Variants in DST observed in about 807,000 individuals in gnomAD.
DST encodes bullous pemphigoid antigen.
In DST, 253 loss-of-function variants were observed where a neutral mutation model predicts 875.2. The observed-to-expected ratio is 0.29, with a 90% CI of 0.26 to 0.32. DST has a LOEUF of 0.32. Ranked by LOEUF, DST falls within the 10% of genes least tolerant of loss-of-function variation. DST has a pLI of 1.00. For missense variants in DST, 8,287 were observed against 9,111.6 expected, an observed-to-expected ratio of 0.91 and a Z score of 3.68; for synonymous variants, 3,124 against 3,197.1, an observed-to-expected ratio of 0.98 and a Z score of 0.77.
At chr6:56,824,181 G>A (rs1050480764) in intron 4 of DST, among the ~76,000 whole-genome samples, 7 of 152,146 alleles carry the variant, frequency 4.6e-5, no homozygotes, top group African/African-American at 7.2e-5. Flanking sequence ...ACTGGTTTTC[G>A]TATTTTTTTG....
chr6:56,803,091 C>T (rs1034973695), intron 4 of DST, among the ~76,000 whole-genome samples: 1 of 152,152 alleles, frequency 6.6e-6, no homozygotes, highest in African/African-American at 2.4e-5. Context: ...CATAAATCAT[C>T]CCATTTGATT....
chr6:56,463,676 G>A lies in DST; in HGVS notation c.22848C>T (p.Gly7616=). ...SQGMAAFRPR[G]RRSRPSSRGA... Reference sequence around the variant, plus strand: ...CTCGTGATGATGGCCGGGATCTTCGGCCTCGGGGTCGGAAAGCAGCCATAC... The same window carrying A: ...CTCGTGATGATGGCCGGGATCTTCGACCTCGGGGTCGGAAAGCAGCCATAC... The change falls in exon 101 of 104, where the codon GGC becomes GGT. Residue 7616 remains glycine (G), a synonymous_variant. Transcript: ENST00000680361. The A allele has an allele frequency of 6.2e-7, 1 of 1,614,024 alleles. No homozygotes were observed. The highest frequency in any genetic ancestry group is 8.5e-7 in the Non-Finnish European group (1 of 1,179,904).
At chr6:56,569,373 T>TG (rs113935192) in intron 54 of DST, among the ~76,000 whole-genome samples, 9,555 of 139,252 alleles carry the variant, frequency 0.069, 1,082 homozygotes, top group African/African-American at 0.24. Flanking sequence ...AAATTTGGAA[T>TG]GGGGGAAAAA....
At chr6:56,936,318 G>A (rs1471202409) in intron 2 of DST, among the ~76,000 whole-genome samples, 1 of 152,182 alleles carries the variant, frequency 6.6e-6, no homozygotes, top group Non-Finnish European at 1.5e-5. Context: ...ATTCTGAAAC[G>A]TAAACAGCAG....
chr6:56,737,989 T>C (rs1487829012), intron 4 of DST, among the ~76,000 whole-genome samples: 1 of 152,228 alleles, frequency 6.6e-6, no homozygotes, highest in Non-Finnish European at 1.5e-5. Flanking sequence ...ATTCAACTTG[T>C]TGTAAGACTA....
intron 90 of DST, among the ~76,000 whole-genome samples, chr6:56,481,570 G>A (rs1001539551): frequency 1.3e-5 from 2 of 152,216 alleles, no homozygotes; most frequent in African/African-American, 4.8e-5. Context: ...ATTAAAAACA[G>A]AAGCAGCAGA....
chr6:56,690,477 G>A (rs1372396311), intron 9 of DST, among the ~76,000 whole-genome samples: 3 of 152,114 alleles, frequency 2.0e-5, no homozygotes, highest in Admixed American at 1.3e-4. Context: ...TCATTGCAAC[G>A]ACTCAAAAGG....
chr6:56,639,152 A>G, intron 22 of DST, 107 bp downstream of exon 22: 1 of 993,816 alleles, frequency 1.0e-6, no homozygotes, highest in South Asian at 1.4e-5. Context: ...CCAGGTTTTA[A>G]TAAAAGTTAG....
intron 95 of DST, 84 bp downstream of exon 95, chr6:56,471,022 C>G (rs1227738287): frequency 5.9e-6 from 8 of 1,363,948 alleles, no homozygotes; most frequent in Non-Finnish European, 7.0e-6. Flanking sequence ...TATTGTAACA[C>G]AAGTTTACCA....
chr6:56,585,271 A>C (rs1328132020), intron 49 of DST, among the ~76,000 whole-genome samples: 5 of 152,050 alleles, frequency 3.3e-5, no homozygotes, highest in African/African-American at 1.2e-4. Context: ...ACAATTTCAG[A>C]GCCTGTTATT....
chr6:56,595,278 G>C (rs1183935329), intron 47 of DST, among the ~76,000 whole-genome samples: 2 of 151,888 alleles, frequency 1.3e-5, no homozygotes, highest in African/African-American at 4.8e-5. Flanking sequence ...TCTAGTTACA[G>C]CTCTTTCATC....
At chr6:56,822,191 G>A (rs1413327600) in intron 4 of DST, among the ~76,000 whole-genome samples, 1 of 152,110 alleles carries the variant, frequency 6.6e-6, no homozygotes, top group African/African-American at 2.4e-5. Flanking sequence ...TAAATATACA[G>A]ACACAAATTT....
At position 56,607,428 on chromosome 6, in the gene DST, A is replaced by G; in HGVS notation, c.7200T>C (p.Asn2400=). ...IQNFPSDLIE[N]PIMKSKMSKF... is the part of the protein sequence containing the mutation. ...TACTCATTTTTGATTTCATAATAGG[A>G]TTTTCTATTAAATCACTTGGAAAGT... Residue 2400 remains asparagine, a synonymous_variant, in exon 40 of 104, where the codon AAT becomes AAC. Coordinates refer to ENST00000680361, the MANE Select transcript of DST (RefSeq NM_001374736.1). 1 of 1,609,748 alleles carries G rather than the reference A, an allele frequency of 6.2e-7. No homozygotes were observed. Among genetic ancestry groups the G allele is most frequent in the Non-Finnish European group, 8.5e-7 (1 of 1,177,802 alleles).
At position 56,782,837 on chromosome 6, in the gene DST, T is replaced by C. The variant is rs571935330; in HGVS notation, c.626-47548A>G. Among the ~76,000 whole-genome samples, 193 of 152,334 alleles carry C rather than the reference T, an allele frequency of 1.3e-3. 2 individuals are homozygous for C. The highest frequency in any genetic ancestry group is 1.5e-3 in the Non-Finnish European group (105 of 68,020). Reference sequence around the variant, plus strand: ...TGTTAGGGTATCAATTTTGGATCTTTCCTGCTTTCTCTTGTGGGCATTTAG... The same window carrying C: ...TGTTAGGGTATCAATTTTGGATCTTCCCTGCTTTCTCTTGTGGGCATTTAG... On this transcript the variant is annotated intron_variant, in intron 4 of 103. Transcript: ENST00000680361.
intron 4 of DST, among the ~76,000 whole-genome samples, chr6:56,839,245 G>C (rs918803962): frequency 1.3e-5 from 2 of 152,160 alleles, no homozygotes; most frequent in Non-Finnish European, 2.9e-5. Context: ...GTCCCTACTG[G>C]CAAATGGGGG....
intron 4 of DST, among the ~76,000 whole-genome samples, chr6:56,824,547 A>T (rs945574589): frequency 6.8e-6 from 1 of 147,546 alleles, no homozygotes; most frequent in Non-Finnish European, 1.5e-5. Context: ...CCACCATCCC[A>T]TCTAGGAAAT....
chr6:56,592,191 T>C lies in DST; in HGVS notation c.12894A>G (p.Glu4298=). The C allele has an allele frequency of 6.2e-7, 1 of 1,613,454 alleles. No homozygotes were observed. Among genetic ancestry groups the C allele is most frequent in the Non-Finnish European group, 8.5e-7 (1 of 1,179,670 alleles). Residue 4298 remains glutamate, a synonymous_variant, in exon 49 of 104, where the codon GAA becomes GAG. Coordinates refer to ENST00000680361, the MANE Select transcript of DST (RefSeq NM_001374736.1). ...VDPKNLQRQL[E]ETKALQGQIS... ...TTCTCTCGCTTTTTACCTTGGTCTC[T>C]TCTAATTGCCTTTGAAGATTTTTGG...
At position 56,641,940 on chromosome 6, in the gene DST, C is replaced by T. The variant is rs1400152418; in HGVS notation, c.2027+7G>A. 1.2e-6 allele frequency: 2 copies of T among 1,605,158 alleles called. No homozygotes were observed. The highest frequency in any genetic ancestry group is 2.2e-5 in the South Asian group (2 of 89,408). ...AAGGACAGAGAAAGAATAAGTAGCACTCTTACCTCTGTACCAATTGATCTG... is the reference window on the plus strand; with the variant it reads ...AAGGACAGAGAAAGAATAAGTAGCATTCTTACCTCTGTACCAATTGATCTG... On this transcript the variant is annotated splice_region_variant and intron_variant, in intron 17 of 103. Coordinates refer to ENST00000680361, the MANE Select transcript of DST (RefSeq NM_001374736.1).
intron 98 of DST, among the ~76,000 whole-genome samples, chr6:56,468,684 T>C (rs552169821): frequency 9.0e-4 from 137 of 152,300 alleles, no homozygotes; most frequent in African/African-American, 3.2e-3. Context: ...GCATAAAATA[T>C]ATGCTCATAT....
Sources: gnomAD v4.1 joint callset for allele counts (sites outside exome capture counted in the v4.1 genomes callset) on GRCh38, gnomAD v4.1.1 for gene constraint, MANE v1.5 for transcripts, NCBI Gene and HGNC (gene_info 2026-07-23, HGNC 2026-07-21) for gene names.